The following AIM2 variants were observed in gnomAD, a reference collection of about 807,000 sequenced individuals.
AIM2 encodes interferon-inducible protein AIM2.
In AIM2, 30 loss-of-function variants were observed where a neutral mutation model predicts 27.7. The ratio of observed to expected loss-of-function variants is 1.08; its 90% CI spans 0.81 to 1.47. The LOEUF (loss-of-function observed/expected upper bound fraction) is 1.47. Ranked by LOEUF, AIM2 falls within the 40% of genes most tolerant of loss-of-function variation. AIM2 has a pLI of 0.00. For missense variants in AIM2, 358 were observed against 411.3 expected, an observed-to-expected ratio of 0.87 and a Z score of 1.12; for synonymous variants, 141 against 145.3, an observed-to-expected ratio of 0.97 and a Z score of 0.21.
intron 1 of AIM2, among the ~76,000 whole-genome samples, chr1:159,111,814 ACTATCTATCTATCTATCAT>A (rs1345086971): frequency 2.0e-5 from 3 of 146,776 alleles, no homozygotes; most frequent in Non-Finnish European, 4.5e-5. Context: ...AAAAAAAAAA[ACTATCTATCTATCTATCAT>A]CTATCTATCT....
intron 1 of AIM2, among the ~76,000 whole-genome samples, chr1:159,087,735 G>T (rs910806033): frequency 8.6e-5 from 13 of 151,934 alleles, no homozygotes; most frequent in African/African-American, 2.9e-4. Context: ...ACCACGCCCA[G>T]CTAATTTTTG....
Position 159,063,477 on chromosome 1 carries a change from A to G in AIM2, c.1005+9T>C. The G allele has an allele frequency of 6.2e-7, 1 of 1,605,026 alleles. No individual in the cohort carries two copies. The highest frequency in any genetic ancestry group is 8.5e-7 in the Non-Finnish European group (1 of 1,176,888). On this transcript the variant is annotated intron_variant, in intron 5 of 5. Transcript: ENST00000368130. ...TTGGAGAGTTGACTTTGTTCCATGC[A>G]GTTCCCACCTTTATGGTGCTATGAA...
chr1:159,138,205 T>C (rs1648047243), intron 1 of AIM2, among the ~76,000 whole-genome samples: 2 of 152,184 alleles, frequency 1.3e-5, no homozygotes, highest in African/African-American at 4.8e-5. Flanking sequence ...TTGTCCTAGA[T>C]GGTGTGCCCT....
At chr1:159,140,909 A>G (rs1228900668), upstream of AIM2, among the ~76,000 whole-genome samples, 1 of 152,180 alleles carries the variant, frequency 6.6e-6, no homozygotes, top group Non-Finnish European at 1.5e-5. Context: ...AGGGGTACAA[A>G]CTTTTCACAG....
intron 1 of AIM2, among the ~76,000 whole-genome samples, chr1:159,118,791 G>A (rs541951105): frequency 7.2e-5 from 11 of 152,094 alleles, no homozygotes; most frequent in African/African-American, 9.6e-5. Context: ...CACAGAGCTC[G>A]TCCTTTAAAA....
At chr1:159,076,077 T>C (rs183863609) in intron 1 of AIM2, among the ~76,000 whole-genome samples, 3 of 152,320 alleles carry the variant, frequency 2.0e-5, no homozygotes, top group Admixed American at 1.3e-4. Flanking sequence ...TAAAAATATT[T>C]GCAATGATAA....
At chr1:159,062,837 TC>T in intron 5 of AIM2, 119 bp from the exon 6 acceptor site, 2 of 965,110 alleles carry the variant, frequency 2.1e-6, no homozygotes, top group South Asian at 1.5e-5. Flanking sequence ...ATTATTTTGT[TC>T]CCACCCTTCT....
chr1:159,143,249 A>T (rs988536383), upstream of AIM2, among the ~76,000 whole-genome samples: 1 of 152,198 alleles, frequency 6.6e-6, no homozygotes, highest in Non-Finnish European at 1.5e-5. Flanking sequence ...TCAGATCAGG[A>T]ATATAAGCAA....
upstream of AIM2, among the ~76,000 whole-genome samples, chr1:159,079,305 G>C (rs969136341): frequency 6.6e-6 from 1 of 151,996 alleles, no homozygotes; most frequent in Non-Finnish European, 1.5e-5. Flanking sequence ...AGCTAATAGA[G>C]TGATAAAGCT....
At chr1:159,141,925 G>C (rs1173303924), upstream of AIM2, among the ~76,000 whole-genome samples, 8 of 152,158 alleles carry the variant, frequency 5.3e-5, no homozygotes, top group Non-Finnish European at 1.2e-4. Context: ...ATCCCTGATG[G>C]AACAGGACAG....
intron 1 of AIM2, among the ~76,000 whole-genome samples, chr1:159,137,784 C>T (rs777711424): frequency 2.0e-5 from 3 of 152,150 alleles, no homozygotes; most frequent in Non-Finnish European, 2.9e-5. Flanking sequence ...CAAAGTACTG[C>T]GCATTTTGCA....
At chr1:159,064,960 A>G (rs1422183588) in intron 4 of AIM2, among the ~76,000 whole-genome samples, 1 of 152,218 alleles carries the variant, frequency 6.6e-6, no homozygotes, top group Non-Finnish European at 1.5e-5. Context: ...ATCAGTATAT[A>G]TGAGTGGATA....
At chr1:159,062,772 C>G in intron 5 of AIM2, 54 bp from the exon 6 acceptor site, 1 of 1,542,948 alleles carries the variant, frequency 6.5e-7, no homozygotes, top group Non-Finnish European at 8.9e-7. Flanking sequence ...AGTGGCCCCT[C>G]CACTGTTTGC....
At chr1:159,078,431 TAA>T (rs1032151400), upstream of AIM2, among the ~76,000 whole-genome samples, 15 of 152,090 alleles carry the variant, frequency 9.9e-5, no homozygotes, top group African/African-American at 3.1e-4. Context: ...ATGTAAGAAT[TAA>T]AAAGATGTGA....
At chr1:159,093,608 C>T (rs949167054) in intron 1 of AIM2, among the ~76,000 whole-genome samples, 1 of 152,028 alleles carries the variant, frequency 6.6e-6, no homozygotes, top group African/African-American at 2.4e-5. Context: ...GAATACATTA[C>T]AGCTGTGAAA....
Position 159,139,965 on chromosome 1 carries a change from G to A in AIM2, c.-16+466C>T, listed in dbSNP as rs1344249475. On this transcript the variant is annotated intron_variant, in intron 1 of 2. Transcript: ENST00000368129. Reference sequence around the variant, plus strand: ...CTCCATTACCATGCTATGATGGAGGGAGAATCAGGAAGATGTATGCAGTAT... The same window carrying A: ...CTCCATTACCATGCTATGATGGAGGAAGAATCAGGAAGATGTATGCAGTAT... Among the ~76,000 whole-genome samples the A allele has an allele frequency of 7.9e-5, 12 of 152,178 alleles. 1 individual carries two copies. The highest frequency in any genetic ancestry group is 6.5e-4 in the Admixed American group (10 of 15,286).
Position 159,071,456 on chromosome 1 carries a change from T to C in AIM2, c.262+1782A>G, listed in dbSNP as rs116229585. On this transcript the variant is annotated intron_variant, in intron 2 of 5. Transcript: ENST00000368130. Reference sequence around the variant, plus strand: ...GTCCGTGGATAGAATTTTAGAGCTATGAAGGAACTTAACTGCCTTCTTGTA... The same window carrying C: ...GTCCGTGGATAGAATTTTAGAGCTACGAAGGAACTTAACTGCCTTCTTGTA... 9.5e-3 allele frequency among the ~76,000 whole-genome samples: 1,451 copies of C among 152,368 alleles called. 19 individuals carry two copies. Among genetic ancestry groups the C allele is most frequent in the African/African-American group, 0.033 (1,372 of 41,578 alleles).
chr1:159,071,456 T>G lies in AIM2; in HGVS notation c.262+1782A>C, dbSNP rs116229585. ...GTCCGTGGATAGAATTTTAGAGCTA[T>G]GAAGGAACTTAACTGCCTTCTTGTA... On this transcript the variant is annotated intron_variant, in intron 2 of 5. Coordinates refer to ENST00000368130, the MANE Select transcript of AIM2 (RefSeq NM_004833.3). 4.4e-3 allele frequency among the ~76,000 whole-genome samples: 678 copies of G among 152,374 alleles called. 3 individuals carry two copies. Among genetic ancestry groups the G allele is most frequent in the African/African-American group, 0.015 (620 of 41,582 alleles).
At chr1:159,075,725 AT>A (rs748062801) in intron 1 of AIM2, among the ~76,000 whole-genome samples, 1 of 152,210 alleles carries the variant, frequency 6.6e-6, no homozygotes, top group Non-Finnish European at 1.5e-5. Context: ...AAAGATGTGA[AT>A]GAGCAATTTG....
Sources: gnomAD v4.1 joint callset for allele counts (sites outside exome capture counted in the v4.1 genomes callset) on GRCh38, gnomAD v4.1.1 for gene constraint, MANE v1.5 for transcripts, NCBI Gene and HGNC (gene_info 2026-07-23, HGNC 2026-07-21) for gene names.